JAK2: variants seen among roughly 807,000 people sequenced by gnomAD.
JAK2 encodes the protein tyrosine-protein kinase JAK2.
A neutral mutation model predicts 139.3 loss-of-function variants in JAK2; 86 were observed. The ratio of observed to expected loss-of-function variants is 0.62; its 90% CI spans 0.52 to 0.74. JAK2 has a LOEUF of 0.74. JAK2 is among the 30% of genes least tolerant of loss of function. The probability of loss-of-function intolerance (pLI) is 0.00; values close to 1 mark genes in which losing one functional copy is unlikely to be tolerated. For missense variants in JAK2, 1,421 were observed against 1,360.3 expected (o/e 1.04, Z -0.70); for synonymous variants, 490 against 437.7 (o/e 1.12, Z -1.49).
At chr9:5,024,864 A>T (rs921160800) in intron 3 of JAK2, among the ~76,000 whole-genome samples, 1 of 152,196 alleles carries the variant, frequency 6.6e-6, no homozygotes, top group Admixed American at 6.5e-5. Context: ...TTTGAGATTA[A>T]GGTTGGCTCT....
chr9:5,111,221 A>G (rs991321427), intron 22 of JAK2: 11 of 582,572 alleles, frequency 1.9e-5, no homozygotes, highest in Admixed American at 1.1e-4. Context: ...AAGAGCAGCT[A>G]GCGCGGGCCT....
intron 4 of JAK2, among the ~76,000 whole-genome samples, chr9:5,032,069 C>A (rs923371376): frequency 1.3e-5 from 2 of 152,244 alleles, no homozygotes; most frequent in South Asian, 4.1e-4. Flanking sequence ...TCTAATACTG[C>A]GCTATTCTAA....
At chr9:5,041,506 CAT>C in intron 4 of JAK2, 2 of 570,628 alleles carry the variant, frequency 3.5e-6, no homozygotes, top group South Asian at 1.5e-5. Context: ...ATCGGGGACA[CAT>C]AGCGCGCCAC....
intron 2 of JAK2, among the ~76,000 whole-genome samples, chr9:5,017,655 T>G (rs573874134): frequency 2.0e-5 from 3 of 152,194 alleles, no homozygotes; most frequent in Non-Finnish European, 4.4e-5. Flanking sequence ...TTTGCTGCAT[T>G]TAATACTGAC....
intron 14 of JAK2, among the ~76,000 whole-genome samples, chr9:5,076,903 C>T (rs1331725269): frequency 6.6e-6 from 1 of 151,950 alleles, no homozygotes; most frequent in Non-Finnish European, 1.5e-5. Context: ...TTTTGGAAGC[C>T]AACACTTGTT....
intron 16 of JAK2, among the ~76,000 whole-genome samples, chr9:5,079,499 T>G (rs1193382064): frequency 3.3e-5 from 4 of 120,488 alleles, no homozygotes; most frequent in Non-Finnish European, 6.2e-5. Context: ...GGTCCTTGGG[T>G]TTTTTTTTTT....
At chr9:4,996,985 T>G (rs1820607017) in intron 2 of JAK2, among the ~76,000 whole-genome samples, 1 of 146,642 alleles carries the variant, frequency 6.8e-6, no homozygotes, top group South Asian at 2.2e-4. Flanking sequence ...TGGAGGACAG[T>G]GGCTCGATCA....
At chr9:5,007,025 T>C (rs2129912592) in intron 2 of JAK2, among the ~76,000 whole-genome samples, 1 of 152,304 alleles carries the variant, frequency 6.6e-6, no homozygotes, top group Admixed American at 6.5e-5. Flanking sequence ...CTTCTTTTTT[T>C]CTTGATCAGT....
intron 2 of JAK2, among the ~76,000 whole-genome samples, chr9:5,007,091 T>C (rs1465929072): frequency 3.3e-5 from 5 of 152,128 alleles, no homozygotes; most frequent in African/African-American, 1.2e-4. Flanking sequence ...TTTACTTTGC[T>C]TTTCTTTATT....
intron 19 of JAK2, among the ~76,000 whole-genome samples, chr9:5,089,333 T>C (rs574857044): frequency 6.6e-6 from 1 of 151,846 alleles, no homozygotes; most frequent in Non-Finnish European, 1.5e-5. Context: ...GGTCAGGAGA[T>C]CAAGACAATC....
At chr9:5,100,333 T>C (rs1821373601) in intron 22 of JAK2, 1 of 152,222 alleles carries the variant, frequency 6.6e-6, no homozygotes, top group African/African-American at 2.4e-5. Context: ...GGCCTGGCCA[T>C]GTGATTTCAC....
At chr9:5,111,959 C>T in intron 22 of JAK2, 1 of 350,252 alleles carries the variant, frequency 2.9e-6, no homozygotes, top group Non-Finnish European at 5.7e-6. Context: ...TGTGGTCCAG[C>T]CCCTCCACCG....
chr9:5,034,489 T>G (rs1286459882), intron 4 of JAK2, among the ~76,000 whole-genome samples: 2 of 152,000 alleles, frequency 1.3e-5, no homozygotes, highest in Admixed American at 6.6e-5. Context: ...TAGTTGGAAG[T>G]AAAGCACTCC....
Position 5,029,848 on chromosome 9 carries a change from C to A in JAK2, c.292C>A (p.Pro98Thr). Residue 98 changes from proline to threonine, a missense_variant, in exon 4 of 25, where the codon CCC becomes ACC. Pro to Thr is a conservative substitution (Grantham distance 38, BLOSUM62 -1). Transcript: ENST00000381652. ...TGAAACAGAAAGGATCTGGTATCCACCCAACCATGTCTTCCATATAGATGA... is the reference window on the plus strand; with the variant it reads ...TGAAACAGAAAGGATCTGGTATCCAACCAACCATGTCTTCCATATAGATGA... The part of the protein sequence containing the change: ...MSETERIWYP[P>T]NHVFHIDEST... 6.2e-7 allele frequency: 1 copy of A among 1,611,344 alleles called. No individual in the cohort carries two copies. Among genetic ancestry groups the A allele is most frequent in the East Asian group, 2.2e-5 (1 of 44,764 alleles).
chr9:5,034,244 G>A (rs903471591), intron 4 of JAK2, among the ~76,000 whole-genome samples: 16 of 152,100 alleles, frequency 1.1e-4, no homozygotes, highest in African/African-American at 3.9e-4. Flanking sequence ...CATAAAGCAA[G>A]TCCTTAGAGA....
At chr9:5,042,291 C>A (rs978306621) in intron 4 of JAK2, among the ~76,000 whole-genome samples, 1 of 151,730 alleles carries the variant, frequency 6.6e-6, no homozygotes, top group East Asian at 1.9e-4. Flanking sequence ...GCGCCCGCCA[C>A]CGCGCCCGGC....
At chr9:5,072,723 T>A in intron 13 of JAK2, 97 bp downstream of exon 13, 1 of 946,538 alleles carries the variant, frequency 1.1e-6, no homozygotes, top group East Asian at 2.9e-5. Context: ...TTTTCAAAAT[T>A]GTAATTTTTA....
chr9:5,083,410 C>A (rs1819853072), intron 19 of JAK2, among the ~76,000 whole-genome samples: 1 of 152,264 alleles, frequency 6.6e-6, no homozygotes, highest in South Asian at 2.1e-4. Flanking sequence ...TAGTAAGTAC[C>A]ATGTTAGTGT....
chr9:5,113,924 CG>C (rs1822893551), intron 22 of JAK2: 2 of 241,226 alleles, frequency 8.3e-6, no homozygotes, highest in South Asian at 5.0e-5. Context: ...CACTTACCCC[CG>C]ACCATCCAGT....
Sources: gnomAD v4.1 joint callset for allele counts (sites outside exome capture counted in the v4.1 genomes callset) on GRCh38, gnomAD v4.1.1 for gene constraint, MANE v1.5 for transcripts, NCBI Gene and HGNC (gene_info 2026-07-23, HGNC 2026-07-21) for gene names.